The following RO60 variants were observed in gnomAD, a reference collection of about 807,000 sequenced individuals.
The protein encoded by RO60 is RNA-binding protein RO60.
RO60 carries 20 observed loss-of-function variants against 55.3 expected under a neutral mutation model. The observed-to-expected ratio is 0.36, with a 90% confidence interval of 0.25 to 0.53. The LOEUF (loss-of-function observed/expected upper bound fraction) is 0.53, where lower values mean the gene tolerates loss of function less well. Ranked by LOEUF, RO60 falls within the 20% of genes least tolerant of loss-of-function variation. The pLI is 0.92. For synonymous variants in RO60, 213 were observed against 213.6 expected, an observed-to-expected ratio of 1.00 and a Z score of 0.02; for missense variants, 558 against 646.6, an observed-to-expected ratio of 0.86 and a Z score of 1.49.
chr1:193,083,032 C>G (rs936860116), intron 8 of RO60, among the ~76,000 whole-genome samples: 13 of 152,254 alleles, frequency 8.5e-5, no homozygotes, highest in Admixed American at 5.9e-4. Flanking sequence ...GCTGGGATTA[C>G]AGCCACCACA....
At chr1:193,061,807 A>T (rs938517063) in intron 1 of RO60, among the ~76,000 whole-genome samples, 10 of 152,122 alleles carry the variant, frequency 6.6e-5, no homozygotes, top group African/African-American at 2.2e-4. Flanking sequence ...ACATGGTGAA[A>T]CCCCGTCTCT....
In RO60 at chr1:193,085,778, T is replaced by C. The variant is rs1674601061; in HGVS notation, c.*1047T>C. The C allele has an allele frequency of 2.0e-6, 2 of 984,980 alleles. No individual in the cohort carries two copies. Among genetic ancestry groups the C allele is most frequent in the Non-Finnish European group, 2.4e-6 (2 of 829,650 alleles). 61.0% of individuals were successfully genotyped at this position (984,980 alleles called of 1,614,324 possible). ...TTTGTGGCAAAATATTCTTCTTTGA[T>C]AGTGTAAACAAATAATAAAGCAATC... On this transcript the variant is annotated 3_prime_UTR_variant, in exon 9 of 9. Transcript: ENST00000400968.
At chr1:193,061,826 T>C (rs1341102301) in intron 1 of RO60, among the ~76,000 whole-genome samples, 1 of 151,886 alleles carries the variant, frequency 6.6e-6, no homozygotes, top group Non-Finnish European at 1.5e-5. Flanking sequence ...CTACTAAACA[T>C]ACAAAAAATT....
At chr1:193,073,731 G>A (rs1036179223) in intron 2 of RO60, among the ~76,000 whole-genome samples, 2 of 152,054 alleles carry the variant, frequency 1.3e-5, no homozygotes, top group Non-Finnish European at 2.9e-5. Context: ...GTGCCACCAC[G>A]CCCAGCTAAT....
chr1:193,075,902 G>A lies in RO60; in HGVS notation c.663G>A (p.Glu221=), dbSNP rs374742998. The change falls in exon 3 of 9, where the codon GAG becomes GAA. Residue 221 remains glutamate (E), a synonymous_variant. Transcript: ENST00000400968. ...ELYKEKALSV[E]TEKLLKYLEA... The stretch of plus-strand genomic sequence containing the variant: ...ATAAAGAAAAAGCACTCTCTGTGGA[G>A]ACTGAAAAATTATTAAAGTATCTGG... The A allele has an allele frequency of 6.2e-7, 1 of 1,613,288 alleles. No individual in the cohort carries two copies. The highest frequency in any genetic ancestry group is 8.5e-7 in the Non-Finnish European group (1 of 1,179,534).
intron 2 of RO60, among the ~76,000 whole-genome samples, chr1:193,071,364 T>C (rs1389831355): frequency 6.6e-6 from 1 of 152,234 alleles, no homozygotes; most frequent in African/African-American, 2.4e-5. Context: ...CACTAAATTT[T>C]GTTACATGCC....
At position 193,082,693 on chromosome 1, in the gene RO60, G is replaced by T. The variant is rs1674395854; in HGVS notation, c.1449G>T (p.Leu483=). 6.2e-7 allele frequency: 1 copy of T among 1,611,666 alleles called. No homozygotes were observed. Among genetic ancestry groups the T allele is most frequent in the Middle Eastern group, 1.7e-4 (1 of 6,040 alleles). ...FAGGVHPAIA[L]REYRKKMDIP... ...GAGGTGTCCATCCTGCTATTGCTCT[G>T]AGGGAGTATCGAAAGGTAAAACAAA... The change falls in exon 8 of 9, where the codon CTG becomes CTT. Residue 483 remains leucine (L), a synonymous_variant. Coordinates refer to ENST00000400968, the MANE Select transcript of RO60 (RefSeq NM_001173524.2).
intron 2 of RO60, among the ~76,000 whole-genome samples, chr1:193,070,253 A>G (rs146233995): frequency 0.013 from 1,937 of 151,824 alleles, 21 homozygotes; most frequent in South Asian, 0.034. Context: ...TTCCCTCCCC[A>G]TCTTCCTAGG....
intron 2 of RO60, chr1:193,070,564 A>G (rs764212406): frequency 2.3e-6 from 1 of 442,678 alleles, no homozygotes; most frequent in African/African-American, 2.0e-5. Flanking sequence ...TGAAACTTGA[A>G]AAGACAGCCA....
chr1:193,062,410 G>C (rs1222202375), intron 1 of RO60, among the ~76,000 whole-genome samples: 4 of 152,186 alleles, frequency 2.6e-5, no homozygotes, highest in Non-Finnish European at 5.9e-5. Context: ...TTGTATTGGT[G>C]CTCTCCATTC....
In RO60 at chr1:193,084,780, C is replaced by A. The variant is rs1402140636; in HGVS notation, c.*49C>A. On this transcript the variant is annotated 3_prime_UTR_variant, in exon 9 of 9. Transcript: ENST00000400968. ...AGATCCATTGCCATCAGTGATCTCA[C>A]TAAAAATATACAGCTACTTCCCAGC... 1.3e-6 allele frequency: 2 copies of A among 1,583,534 alleles called. No individual in the cohort carries two copies. Among genetic ancestry groups the A allele is most frequent in the Middle Eastern group, 1.7e-4 (1 of 5,898 alleles).
chr1:193,077,389 G>A (rs971516350), intron 5 of RO60, among the ~76,000 whole-genome samples: 14 of 152,188 alleles, frequency 9.2e-5, no homozygotes, highest in African/African-American at 3.1e-4. Flanking sequence ...GGTTCCACAG[G>A]TTGTAGAGGA....
At chr1:193,068,711 A>G (rs942964407) in intron 1 of RO60, among the ~76,000 whole-genome samples, 9 of 152,198 alleles carry the variant, frequency 5.9e-5, no homozygotes, top group Non-Finnish European at 1.3e-4. Flanking sequence ...TGTGGCTATG[A>G]TTTGTTTGTT....
intron 1 of RO60, among the ~76,000 whole-genome samples, chr1:193,063,030 A>G (rs1672884216): frequency 6.6e-6 from 1 of 152,100 alleles, no homozygotes; most frequent in African/African-American, 2.4e-5. Flanking sequence ...ACATGTATTC[A>G]TTTTTCTTAG....
intron 1 of RO60, among the ~76,000 whole-genome samples, chr1:193,063,049 T>C (rs1672886755): frequency 1.3e-5 from 2 of 152,234 alleles, no homozygotes; most frequent in African/African-American, 4.8e-5. Context: ...AGGTGTGTGG[T>C]AGAATTCCTC....
In RO60 at chr1:193,059,812, T is replaced by C. The variant is rs894724315; in HGVS notation, c.-22+36T>C. The C allele has an allele frequency of 1.5e-6, 2 of 1,357,322 alleles. No homozygotes were observed. The highest frequency in any genetic ancestry group is 1.5e-5 in the African/African-American group (1 of 67,712). 84.1% of individuals were successfully genotyped at this position (1,357,322 alleles called of 1,614,324 possible). ...TGCGGGAGGCCGGCTGGGAGCCTTTTGTGCGGCCCCAGGGACGCGCAAATT... is the reference window on the plus strand; with the variant it reads ...TGCGGGAGGCCGGCTGGGAGCCTTTCGTGCGGCCCCAGGGACGCGCAAATT... On this transcript the variant is annotated intron_variant, in intron 1 of 8. Coordinates refer to ENST00000400968, the MANE Select transcript of RO60 (RefSeq NM_001173524.2). This position sits in a 1 kb window ranked among gnomAD's most constrained non-coding sequence, Gnocchi z 4.9.
At position 193,059,917 on chromosome 1, in the gene RO60, G is replaced by C. The variant is rs531788256; in HGVS notation, c.-22+141G>C. ...CGCCGCGAAACTATCGCTCTTCCCC[G>C]TCCCGCTTCCGCGCCTGTCCACCCT... On this transcript the variant is annotated intron_variant, in intron 1 of 8. Coordinates refer to ENST00000400968, the MANE Select transcript of RO60 (RefSeq NM_001173524.2). This position sits in a 1 kb window ranked among gnomAD's most constrained non-coding sequence, Gnocchi z 4.9. The C allele has an allele frequency of 7.3e-7, 1 of 1,366,038 alleles. No individual in the cohort carries two copies. Among genetic ancestry groups the C allele is most frequent in the Non-Finnish European group, 9.8e-7 (1 of 1,021,690 alleles). The allele number at this position is 1,366,038 out of a possible 1,614,324, so 84.6% of individuals were successfully genotyped here.
chr1:193,073,524 C>G (rs970112764), intron 2 of RO60, among the ~76,000 whole-genome samples: 1 of 152,164 alleles, frequency 6.6e-6, no homozygotes, highest in African/African-American at 2.4e-5. Flanking sequence ...AGGGCACACT[C>G]TGTTCAGTCA....
In RO60 at chr1:193,084,865, T is replaced by C; in HGVS notation, c.*134T>C. On this transcript the variant is annotated 3_prime_UTR_variant, in exon 9 of 9. Transcript: ENST00000400968. The stretch of plus-strand genomic sequence containing the variant: ...TGTGCATAATGGAAAGTTACCTTAC[T>C]GAAAAAAAAAAAAGAAGGAAAAATA... The C allele has an allele frequency of 6.8e-7, 1 of 1,463,206 alleles. No individual in the cohort carries two copies. Among genetic ancestry groups the C allele is most frequent in the Non-Finnish European group, 9.0e-7 (1 of 1,111,790 alleles). The allele number at this position is 1,463,206 out of a possible 1,614,324, so 90.6% of individuals were successfully genotyped here. A position where few individuals can be genotyped will look rare whatever the true frequency, so the allele number is the denominator to read the frequency against.
Sources: allele counts gnomAD v4.1 joint callset (sites outside exome capture counted in the v4.1 genomes callset), GRCh38; gene constraint gnomAD v4.1.1; non-coding constraint Gnocchi (gnomAD v3.1); transcripts MANE v1.5; gene names NCBI Gene and HGNC (gene_info 2026-07-23, HGNC 2026-07-21).